ZFYVE27: variants seen among roughly 807,000 people sequenced by gnomAD.
The protein encoded by ZFYVE27 is zinc finger FYVE-type containing 27.
ZFYVE27 carries 36 observed loss-of-function variants against 52.8 expected under a neutral mutation model. That is an observed-to-expected ratio of 0.68 (90% CI 0.52 to 0.90). ZFYVE27 has a LOEUF of 0.90. Among genes scored for constraint, ZFYVE27 ranks in the 40% least tolerant of loss-of-function variants. ZFYVE27 has a pLI of 0.00. For synonymous variants in ZFYVE27, 223 were observed against 215.6 expected, an observed-to-expected ratio of 1.03 and a Z score of -0.30; for missense variants, 450 against 527.2, an observed-to-expected ratio of 0.85 and a Z score of 1.43.
Position 97,748,374 on chromosome 10 carries a change from C to G in ZFYVE27, c.551+10C>G. ...CCGTCGTGTCCTCACAGTGAGTGAC[C>G]CCTCCTCTCCCGCCACCACCCTATA... On this transcript the variant is annotated intron_variant, in intron 5 of 12. Coordinates refer to ENST00000684270, the MANE Select transcript of ZFYVE27 (RefSeq NM_001385875.1). 1 of 1,612,986 alleles carries G rather than the reference C, an allele frequency of 6.2e-7. No individual in the cohort carries two copies. Among genetic ancestry groups the G allele is most frequent in the African/African-American group, 1.3e-5 (1 of 75,008 alleles).
At position 97,748,443 on chromosome 10, in the gene ZFYVE27, G is replaced by A. The variant is rs1268301972; in HGVS notation, c.551+79G>A. On this transcript the variant is annotated intron_variant, in intron 5 of 12. Transcript: ENST00000684270. ...CCGAGCAAAGCCAGCTGCCTTGAGA[G>A]GACCTCTGCCCCTCTTACCTCAGGG... 9 of 1,436,538 alleles carry A rather than the reference G, an allele frequency of 6.3e-6. No homozygotes were observed. In the East Asian group the frequency reaches 2.2e-4, roughly 35 times the overall value. 89.0% of individuals were successfully genotyped at this position (1,436,538 alleles called of 1,614,324 possible). A position where few individuals can be genotyped will look rare whatever the true frequency, so the allele number is the denominator to read the frequency against.
intron 10 of ZFYVE27, among the ~76,000 whole-genome samples, chr10:97,755,699 G>A (rs1022124815): frequency 2.0e-5 from 3 of 152,206 alleles, no homozygotes; most frequent in South Asian, 2.1e-4. Context: ...ATGAGGGGGT[G>A]CATGGGGAGA....
intron 2 of ZFYVE27, among the ~76,000 whole-genome samples, chr10:97,742,134 G>GAAAAAA (rs796122082): frequency 1.3e-5 from 1 of 75,202 alleles, no homozygotes; most frequent in Non-Finnish European, 3.2e-5. Context: ...TGTCTCAAAA[G>GAAAAAA]AAAAAAAAAA....
chr10:97,744,630 G>C, intron 3 of ZFYVE27, 99 bp from the exon 4 acceptor site: 2 of 1,431,960 alleles, frequency 1.4e-6, no homozygotes, highest in Middle Eastern at 2.4e-4. Context: ...CTGACTGGCA[G>C]AGCCCTGGAG....
At chr10:97,746,049 A>ATTTT (rs1275541653) in intron 4 of ZFYVE27, among the ~76,000 whole-genome samples, 1 of 35,222 alleles carries the variant, frequency 2.8e-5, no homozygotes, top group African/African-American at 6.5e-5. Context: ...ATATATATAT[A>ATTTT]TATTTTTTTT....
chr10:97,752,075 G>A (rs537237761), intron 8 of ZFYVE27, among the ~76,000 whole-genome samples: 2 of 152,326 alleles, frequency 1.3e-5, no homozygotes, highest in East Asian at 3.9e-4. Flanking sequence ...GCAGCAGTAG[G>A]TGTAGCTAAG....
chr10:97,757,004 G>A (rs2048508375), intron 10 of ZFYVE27, among the ~76,000 whole-genome samples: 1 of 152,194 alleles, frequency 6.6e-6, no homozygotes, highest in African/African-American at 2.4e-5. Context: ...TGTTGAACCT[G>A]TAGGTAGGGC....
intron 2 of ZFYVE27, among the ~76,000 whole-genome samples, chr10:97,739,123 A>G (rs2042897468): frequency 1.3e-5 from 2 of 150,110 alleles, no homozygotes; most frequent in African/African-American, 4.9e-5. Context: ...TTGAGACAGA[A>G]TCTTGCTGTA....
chr10:97,739,885 GT>G (rs34955180), intron 2 of ZFYVE27, among the ~76,000 whole-genome samples: 146 of 137,262 alleles, frequency 1.1e-3, no homozygotes, highest in African/African-American at 2.7e-3. Flanking sequence ...TTAGAAAAGT[GT>G]TTTTTTTTTT....
At chr10:97,748,850 T>G (rs1265648148) in intron 5 of ZFYVE27, among the ~76,000 whole-genome samples, 1 of 152,260 alleles carries the variant, frequency 6.6e-6, no homozygotes, top group African/African-American at 2.4e-5. Flanking sequence ...CCCTTTTCAT[T>G]ACTAACCCCA....
chr10:97,741,784 T>C (rs2043728053), intron 2 of ZFYVE27, among the ~76,000 whole-genome samples: 1 of 152,148 alleles, frequency 6.6e-6, no homozygotes, highest in African/African-American at 2.4e-5. Flanking sequence ...GTAAAAGCCC[T>C]GCATGAATTA....
At chr10:97,744,704 A>G (rs748111793) in intron 3 of ZFYVE27, 25 bp from the exon 4 acceptor site, 5 of 1,612,432 alleles carry the variant, frequency 3.1e-6, no homozygotes, top group Non-Finnish European at 4.2e-6. Flanking sequence ...TACCTGTGTT[A>G]CCTGCAGTGT....
intron 4 of ZFYVE27, 134 bp downstream of exon 4, chr10:97,745,049 C>A: frequency 1.9e-6 from 2 of 1,072,554 alleles, no homozygotes; most frequent in Admixed American, 2.1e-5. Context: ...TTAACAGTTC[C>A]GGGAGGTAGT....
At chr10:97,751,187 T>C (rs2046892615) in intron 7 of ZFYVE27, among the ~76,000 whole-genome samples, 6 of 152,202 alleles carry the variant, frequency 3.9e-5, no homozygotes, top group African/African-American at 7.2e-5. Flanking sequence ...ATGTGGCCAC[T>C]GTAGGGCCAG....
intron 10 of ZFYVE27, among the ~76,000 whole-genome samples, chr10:97,756,248 T>C (rs1013501793): frequency 6.6e-6 from 1 of 152,110 alleles, no homozygotes; most frequent in Non-Finnish European, 1.5e-5. Context: ...AGCAGTAGGC[T>C]TGTTCTTCTC....
rs2046540463 is a variant in ZFYVE27 at position 97,750,132 on chromosome 10, G to A, written c.665-199G>A. The A allele has an allele frequency of 8.0e-6, 5 of 627,728 alleles. 2 individuals are homozygous for A. The South Asian group carries it at 9.1e-5, about 11-fold the overall frequency. The allele number at this position is 627,728 out of a possible 1,614,324, so 38.9% of individuals were successfully genotyped here. Reference sequence around the variant, plus strand: ...TGAGCATTTACTACATTTAATCTCTGTAGCTGTCTGGGGCAGGTGGTGGTA... The same window carrying A: ...TGAGCATTTACTACATTTAATCTCTATAGCTGTCTGGGGCAGGTGGTGGTA... On this transcript the variant is annotated intron_variant, in intron 6 of 12. Coordinates refer to ENST00000684270, the MANE Select transcript of ZFYVE27 (RefSeq NM_001385875.1).
At chr10:97,757,745 AG>A (rs1366551426) in intron 12 of ZFYVE27, 22 bp downstream of exon 12, 2 of 1,613,630 alleles carry the variant, frequency 1.2e-6, no homozygotes, top group South Asian at 2.2e-5. Context: ...AGGTGGTGGG[AG>A]GGCTTGGTTG....
At chr10:97,745,403 T>C (rs1261139202) in intron 4 of ZFYVE27, among the ~76,000 whole-genome samples, 1 of 151,908 alleles carries the variant, frequency 6.6e-6, no homozygotes, top group Non-Finnish European at 1.5e-5. Flanking sequence ...ATGGTCTCGA[T>C]CTCTTGACCT....
intron 1 of ZFYVE27, among the ~76,000 whole-genome samples, 185 bp downstream of exon 1, chr10:97,737,506 C>A (rs2042403837): frequency 1.3e-5 from 2 of 152,260 alleles, no homozygotes; most frequent in Admixed American, 1.3e-4. Context: ...CCAGTGCGGG[C>A]GTCGATATAC....
Sources: gnomAD v4.1 joint callset for allele counts (sites outside exome capture counted in the v4.1 genomes callset) on GRCh38, gnomAD v4.1.1 for gene constraint, MANE v1.5 for transcripts, NCBI Gene and HGNC (gene_info 2026-07-23, HGNC 2026-07-21) for gene names.